Variants in TADA2A observed in about 807,000 individuals in gnomAD.
The protein encoded by TADA2A is transcriptional adaptor 2A, also known as transcriptional adapter 2-alpha.
In TADA2A, 38 loss-of-function variants were observed where a neutral mutation model predicts 67.4. The ratio of observed to expected loss-of-function variants is 0.56; its 90% confidence interval spans 0.44 to 0.74. The LOEUF (loss-of-function observed/expected upper bound fraction) is 0.74. Among genes scored for constraint, TADA2A ranks in the 30% least tolerant of loss-of-function variants. The pLI, the probability that TADA2A is intolerant of heterozygous loss-of-function variation, is 0.00. For missense variants in TADA2A, 454 were observed against 547.0 expected, an observed-to-expected ratio of 0.83 and a Z score of 1.70; for synonymous variants, 192 against 181.6, an observed-to-expected ratio of 1.06 and a Z score of -0.46.
intron 2 of TADA2A, among the ~76,000 whole-genome samples, chr17:37,416,236 A>G (rs766872579): frequency 6.6e-6 from 1 of 151,008 alleles, no homozygotes; most frequent in Non-Finnish European, 1.5e-5. Flanking sequence ...CTCCTGCCTC[A>G]GCCTCCCAAG....
chr17:37,440,783 TTAG>T, intron 6 of TADA2A, 121 bp downstream of exon 6: 1 of 1,248,102 alleles, frequency 8.0e-7, no homozygotes, highest in African/African-American at 1.5e-5. Flanking sequence ...ATAGGAGGAG[TTAG>T]TATGGCAGCT....
In TADA2A at chr17:37,423,492, T is replaced by C; in HGVS notation, c.26-17T>C. ...TAAGGTGGTCTGAAATGTGCATTTGTTTTCTGTTTGTTCTAGATGATCCCT... is the reference window on the plus strand; with the variant it reads ...TAAGGTGGTCTGAAATGTGCATTTGCTTTCTGTTTGTTCTAGATGATCCCT... On this transcript the variant is annotated splice_polypyrimidine_tract_variant and intron_variant, in intron 2 of 15. Transcript: ENST00000615182. The C allele has an allele frequency of 6.3e-7, 1 of 1,584,686 alleles. No individual in the cohort carries two copies. The highest frequency in any genetic ancestry group is 8.6e-7 in the Non-Finnish European group (1 of 1,164,776).
intron 8 of TADA2A, among the ~76,000 whole-genome samples, chr17:37,457,922 A>AT (rs1047043807): frequency 2.0e-5 from 3 of 152,048 alleles, no homozygotes; most frequent in Non-Finnish European, 2.9e-5. Context: ...AGAAAGGAGA[A>AT]TTTTTTTTAA....
intron 8 of TADA2A, among the ~76,000 whole-genome samples, chr17:37,456,139 G>A (rs1198416619): frequency 6.6e-6 from 1 of 152,196 alleles, no homozygotes; most frequent in Non-Finnish European, 1.5e-5. Context: ...GGGAGGCAGA[G>A]GTTGCAGTGA....
intron 9 of TADA2A, 53 bp downstream of exon 9, chr17:37,458,640 TGTGTGTG>T (rs2053464050): frequency 7.9e-5 from 27 of 342,184 alleles, no homozygotes; most frequent in Admixed American, 1.2e-4. Flanking sequence ...TATTGTTTTG[TGTGTGTG>T]TGTGTGTGTG....
At chr17:37,435,735 A>G (rs946646590) in intron 4 of TADA2A, among the ~76,000 whole-genome samples, 9 of 152,116 alleles carry the variant, frequency 5.9e-5, no homozygotes, top group African/African-American at 1.4e-4. Context: ...GCGCGCCACC[A>G]TGCCCAGCTA....
At chr17:37,465,883 C>T (rs2053654678) in intron 11 of TADA2A, among the ~76,000 whole-genome samples, 2 of 152,184 alleles carry the variant, frequency 1.3e-5, no homozygotes, top group Non-Finnish European at 2.9e-5. Flanking sequence ...CAACACATGG[C>T]CAGTCTGGTT....
At chr17:37,422,616 G>A (rs906197438) in intron 2 of TADA2A, among the ~76,000 whole-genome samples, 1 of 151,822 alleles carries the variant, frequency 6.6e-6, no homozygotes, top group African/African-American at 2.4e-5. Context: ...AAGTGATTCT[G>A]TGCCTCAACT....
chr17:37,467,715 C>T (rs563414321), intron 12 of TADA2A, among the ~76,000 whole-genome samples, 190 bp downstream of exon 12: 1 of 152,122 alleles, frequency 6.6e-6, no homozygotes, highest in East Asian at 1.9e-4. Flanking sequence ...ATCTTTGGTA[C>T]TACAAAAGTT....
intron 5 of TADA2A, among the ~76,000 whole-genome samples, chr17:37,440,113 A>G (rs2052868049): frequency 6.6e-6 from 1 of 151,494 alleles, no homozygotes; most frequent in Admixed American, 6.6e-5. Context: ...ACGCCTGGCT[A>G]ATTTTGTATT....
At chr17:37,439,649 A>G (rs2052838285) in intron 5 of TADA2A, among the ~76,000 whole-genome samples, 1 of 152,112 alleles carries the variant, frequency 6.6e-6, no homozygotes. Flanking sequence ...TGAGATAGTA[A>G]CAATATCCAT....
chr17:37,442,197 T>C (rs1195063189), intron 6 of TADA2A, among the ~76,000 whole-genome samples: 2 of 143,416 alleles, frequency 1.4e-5, no homozygotes, highest in African/African-American at 5.2e-5. Context: ...TTTTTTCCCG[T>C]CTTTTTTTTT....
Position 37,479,665 on chromosome 17 carries a change from T to C in TADA2A, c.*2683T>C, listed in dbSNP as rs1351560887. 1 of 152,224 alleles carries C rather than the reference T, an allele frequency of 6.6e-6. No individual in the cohort carries two copies. The highest frequency in any genetic ancestry group is 1.5e-5 in the Non-Finnish European group (1 of 68,034). The allele number at this position is 152,224 out of a possible 1,614,324, so 9.4% of individuals were successfully genotyped here. On this transcript the variant is annotated 3_prime_UTR_variant, in exon 16 of 16. Transcript: ENST00000615182. ...GCAATTTAACGTTAAAAGTTTCTGC[T>C]GGAGTTTTATGCATATTTTTCTCTC...
intron 12 of TADA2A, among the ~76,000 whole-genome samples, chr17:37,469,778 G>A (rs1309353806): frequency 6.6e-6 from 1 of 152,186 alleles, no homozygotes; most frequent in Non-Finnish European, 1.5e-5. Context: ...GGGCTCTGTG[G>A]AACCTAGTTT....
At position 37,430,179 on chromosome 17, in the gene TADA2A, G is replaced by A. The variant is rs1040725709; in HGVS notation, c.192+3170G>A. On this transcript the variant is annotated intron_variant, in intron 4 of 15. Coordinates refer to ENST00000615182, the MANE Select transcript of TADA2A (RefSeq NM_001166105.3). Reference sequence around the variant, plus strand: ...TCATAATGCTGAAAGCACTGACTAAGTTTCACTCCACATCACTTCATTCTG... The same window carrying A: ...TCATAATGCTGAAAGCACTGACTAAATTTCACTCCACATCACTTCATTCTG... Among the ~76,000 whole-genome samples, 22 of 152,160 alleles carry A rather than the reference G, an allele frequency of 1.4e-4. 1 individual carries two copies. The highest frequency in any genetic ancestry group is 1.4e-3 in the Admixed American group (22 of 15,256).
rs189306711 is a variant in TADA2A, at chr17:37,411,472, G to T, written c.25+82G>T. The T allele has an allele frequency of 6.0e-6, 8 of 1,337,498 alleles. No homozygotes were observed. In the East Asian group the frequency reaches 1.8e-4, roughly 31 times the overall value. 82.9% of individuals were successfully genotyped at this position (1,337,498 alleles called of 1,614,324 possible). The stretch of plus-strand genomic sequence containing the variant: ...GACTCTCCCTCTGTTGCCCAGGCTG[G>T]GGTACAGTGGCATGATGTTGGCTCA... On this transcript the variant is annotated intron_variant, in intron 2 of 15. Transcript: ENST00000615182.
intron 8 of TADA2A, among the ~76,000 whole-genome samples, chr17:37,449,924 AT>A (rs2053186402): frequency 6.6e-6 from 1 of 152,134 alleles, no homozygotes; most frequent in South Asian, 2.1e-4. Context: ...AGGAATAGAT[AT>A]TTTCCTGTTT....
intron 2 of TADA2A, among the ~76,000 whole-genome samples, chr17:37,418,101 G>A (rs558705336): frequency 3.3e-5 from 5 of 152,184 alleles, no homozygotes; most frequent in East Asian, 1.9e-4. Context: ...ATAACTAAAC[G>A]TTCTGAACAA....
chr17:37,415,169 A>T (rs1051710996), intron 2 of TADA2A, among the ~76,000 whole-genome samples: 4 of 152,142 alleles, frequency 2.6e-5, no homozygotes, highest in Non-Finnish European at 5.9e-5. Context: ...GGCACAAGCC[A>T]CCGTGCCTGG....
Sources: allele counts gnomAD v4.1 joint callset (sites outside exome capture counted in the v4.1 genomes callset), GRCh38; gene constraint gnomAD v4.1.1; transcripts MANE v1.5; gene names NCBI Gene and HGNC (gene_info 2026-07-23, HGNC 2026-07-21).